NSD2: variants seen among roughly 807,000 people sequenced by gnomAD.
NSD2 encodes nuclear receptor binding SET domain protein 2, also known as histone-lysine N-methyltransferase NSD2.
Under a neutral mutation model 139.0 loss-of-function variants are expected in NSD2, and 12 were observed. The observed-to-expected ratio is 0.09, with a 90% confidence interval of 0.06 to 0.14. The LOEUF (loss-of-function observed/expected upper bound fraction) is 0.14, where lower values mean the gene tolerates loss of function less well. NSD2 is among the 10% of genes least tolerant of loss of function. NSD2 has a pLI of 1.00. For missense variants in NSD2, 1,155 were observed against 1,745.0 expected (o/e 0.66, Z 6.02); for synonymous variants, 669 against 648.7 (o/e 1.03, Z -0.48).
chr4:1,898,814 ACT>A (rs1045300628), intron 1 of NSD2, among the ~76,000 whole-genome samples: 6 of 150,950 alleles, frequency 4.0e-5, no homozygotes, highest in African/African-American at 1.2e-4. Flanking sequence ...CCCCTCTGAG[ACT>A]CTCTCCTTGA....
At chr4:1,914,526 A>G (rs970300090) in intron 3 of NSD2, among the ~76,000 whole-genome samples, 2 of 151,790 alleles carry the variant, frequency 1.3e-5, no homozygotes, top group Non-Finnish European at 2.9e-5. Flanking sequence ...GGGCTTCACC[A>G]TGTTGGCCAG....
At position 1,947,694 on chromosome 4, in the gene NSD2, T is replaced by A. The variant is rs929905949; in HGVS notation, c.1882-3378T>A. 3 of 1,054,288 alleles carry A rather than the reference T, an allele frequency of 2.8e-6. No homozygotes were observed. The African/African-American group carries it at 5.0e-5, about 17-fold the overall frequency. The allele number at this position is 1,054,288 out of a possible 1,614,324, so 65.3% of individuals were successfully genotyped here. A position where few individuals can be genotyped will look rare whatever the true frequency, so the allele number is the denominator to read the frequency against. On this transcript the variant is annotated intron_variant, in intron 9 of 21. Transcript: ENST00000508803. Reference sequence around the variant, plus strand: ...TGTTGTCATTTGTAAACGCAAACACTGTGGAGGTACTTCTCGCCATCAGCT... The same window carrying A: ...TGTTGTCATTTGTAAACGCAAACACAGTGGAGGTACTTCTCGCCATCAGCT...
intron 9 of NSD2, chr4:1,944,231 G>A (rs1021998405): frequency 3.0e-5 from 32 of 1,066,148 alleles, no homozygotes; most frequent in African/African-American, 2.8e-4. Flanking sequence ...CTAGAGGAGC[G>A]GAGTTTTCCG....
At chr4:1,952,859 C>G in intron 11 of NSD2, 2 of 1,309,000 alleles carry the variant, frequency 1.5e-6, no homozygotes, top group African/African-American at 2.9e-5. Context: ...TATCTCACGT[C>G]AGAACACTTC....
At chr4:1,937,228 A>G (rs561303160) in intron 7 of NSD2, among the ~76,000 whole-genome samples, 1 of 151,736 alleles carries the variant, frequency 6.6e-6, no homozygotes, top group Admixed American at 6.6e-5. Context: ...ATTTTTTTGT[A>G]TTTTTAGTAG....
At chr4:1,938,396 CTTTTCTTTTTTTT>C (rs1722669898) in intron 7 of NSD2, 42 bp from the exon 8 acceptor site, 2 of 992,196 alleles carry the variant, frequency 2.0e-6, no homozygotes, top group East Asian at 4.5e-5. Context: ...TCCTTTTTTT[CTTTTCTTTTTTTT>C]TTCTTTCTTT....
intron 1 of NSD2, 65 bp from the exon 2 acceptor site, chr4:1,900,561 A>G: frequency 2.7e-6 from 3 of 1,117,910 alleles, no homozygotes; most frequent in Non-Finnish European, 3.8e-6. Flanking sequence ...AGGTCCTGGC[A>G]TACCTATCCT....
chr4:1,952,919 A>G lies in NSD2; in HGVS notation c.2138-405A>G, dbSNP rs998582207. 5.7e-6 allele frequency: 8 copies of G among 1,409,476 alleles called. No individual in the cohort carries two copies. In the Admixed American group the frequency reaches 1.2e-4, roughly 21 times the overall value. 87.3% of individuals were successfully genotyped at this position (1,409,476 alleles called of 1,614,324 possible). Reference sequence around the variant, plus strand: ...GTCTCCCAGGCCATGGCAGCCCCACAGCAGCACCTCACTTATGGGAGTGTC... The same window carrying G: ...GTCTCCCAGGCCATGGCAGCCCCACGGCAGCACCTCACTTATGGGAGTGTC... On this transcript the variant is annotated intron_variant, in intron 11 of 21. Coordinates refer to ENST00000508803, the MANE Select transcript of NSD2 (RefSeq NM_001042424.3).
intron 1 of NSD2, chr4:1,892,387 A>T (rs1470499128): frequency 6.6e-6 from 1 of 152,254 alleles, no homozygotes; most frequent in East Asian, 1.9e-4. Context: ...CCCAAGGTCC[A>T]TGTGGTCCTA....
intron 1 of NSD2, among the ~76,000 whole-genome samples, chr4:1,900,275 TTGG>T (rs1716975704): frequency 6.6e-6 from 1 of 152,210 alleles, no homozygotes. Context: ...TAAGTATATG[TTGG>T]TGGACAGGTG....
Position 1,972,646 on chromosome 4 carries a change from C to T in NSD2, c.3373-2217C>T, listed in dbSNP as rs906911360. On this transcript the variant is annotated intron_variant, in intron 18 of 21. Coordinates refer to ENST00000508803, the MANE Select transcript of NSD2 (RefSeq NM_001042424.3). The surrounding 1 kb of genome is among the most constrained non-coding windows in gnomAD (Gnocchi z 4.0). ...CTCACACCACTTATAAAGGCCAATT[C>T]CAGATGGATTGAACAGCTAGGAGTG... 1.3e-5 allele frequency among the ~76,000 whole-genome samples: 2 copies of T among 152,174 alleles called. No homozygotes were observed. Among genetic ancestry groups the T allele is most frequent in the African/African-American group, 4.8e-5 (2 of 41,436 alleles).
intron 6 of NSD2, among the ~76,000 whole-genome samples, chr4:1,931,770 A>C (rs956736471): frequency 1.3e-5 from 2 of 152,264 alleles, no homozygotes; most frequent in East Asian, 1.9e-4. Flanking sequence ...GTTCATTGCA[A>C]ATACTATAAT....
chr4:1,872,617 A>AGAGAGAGAGAGAGAGAGAGAGAGAG (rs1560534012), intron 1 of NSD2, among the ~76,000 whole-genome samples: 2 of 145,958 alleles, frequency 1.4e-5, no homozygotes, highest in South Asian at 2.3e-4. Flanking sequence ...AGAGAGAGAG[A>AGAGAGAGAGAGAGAGAGAGAGAGAG]GAGAGAGAGA....
chr4:1,906,602 A>G (rs542557672), intron 3 of NSD2, among the ~76,000 whole-genome samples: 7 of 151,222 alleles, frequency 4.6e-5, no homozygotes, highest in East Asian at 2.0e-4. Context: ...GTAGTCTGCA[A>G]CAGCTTCTCT....
chr4:1,972,112 G>A lies in NSD2; in HGVS notation c.3373-2751G>A, dbSNP rs1726550519. 6.6e-6 allele frequency among the ~76,000 whole-genome samples: 1 copy of A among 152,186 alleles called. No homozygotes were observed. Among genetic ancestry groups the A allele is most frequent in the Non-Finnish European group, 1.5e-5 (1 of 68,038 alleles). On this transcript the variant is annotated intron_variant, in intron 18 of 21. Coordinates refer to ENST00000508803, the MANE Select transcript of NSD2 (RefSeq NM_001042424.3). This position sits in a 1 kb window ranked among gnomAD's most constrained non-coding sequence, Gnocchi z 4.0. ...AATGTGACGGCTGTGTTTGGTGATG[G>A]CCTTATGTGAACTGTAGTGACAACA... is the stretch of plus-strand genomic sequence containing the variant.
At chr4:1,894,849 AG>A (rs779503775) in intron 1 of NSD2, among the ~76,000 whole-genome samples, 23 of 152,154 alleles carry the variant, frequency 1.5e-4, no homozygotes, top group Admixed American at 2.6e-4. Flanking sequence ...TATGGTCTTA[AG>A]TGCATTCACA....
rs1186220526 is a variant in NSD2, at chr4:1,948,005, A to T, written c.1882-3067A>T. Reference sequence around the variant, plus strand: ...TGGAATGTGTTCACTAGGTTCCGTTATGTTTGGTAATATCATCTTGAAAAG... The same window carrying T: ...TGGAATGTGTTCACTAGGTTCCGTTTTGTTTGGTAATATCATCTTGAAAAG... On this transcript the variant is annotated intron_variant, in intron 9 of 21. Transcript: ENST00000508803. The surrounding 1 kb of genome is among the most constrained non-coding windows in gnomAD (Gnocchi z 4.5). 9.5e-7 allele frequency: 1 copy of T among 1,056,010 alleles called. No individual in the cohort carries two copies. Among genetic ancestry groups the T allele is most frequent in the African/African-American group, 1.6e-5 (1 of 60,632 alleles). The allele number at this position is 1,056,010 out of a possible 1,614,324, so 65.4% of individuals were successfully genotyped here.
intron 2 of NSD2, among the ~76,000 whole-genome samples, chr4:1,902,447 C>T (rs1717310832): frequency 6.6e-6 from 1 of 152,048 alleles, no homozygotes; most frequent in African/African-American, 2.4e-5. Context: ...TGGTCTCAAA[C>T]CCCTGGGCTC....
chr4:1,940,412 C>T, intron 9 of NSD2: 2 of 1,063,296 alleles, frequency 1.9e-6, no homozygotes, highest in Non-Finnish European at 2.3e-6. Context: ...CTGCTGCCTG[C>T]CATCATTGTA....
Sources: gnomAD v4.1 joint callset for allele counts (sites outside exome capture counted in the v4.1 genomes callset) on GRCh38, gnomAD v4.1.1 for gene constraint, Gnocchi (gnomAD v3.1) non-coding constraint, MANE v1.5 for transcripts, NCBI Gene and HGNC (gene_info 2026-07-23, HGNC 2026-07-21) for gene names.